The following TNIK variants were observed in gnomAD, a reference collection of about 807,000 sequenced individuals.
The protein encoded by TNIK is TRAF2 and NCK-interacting protein kinase.
A neutral mutation model predicts 191.3 loss-of-function variants in TNIK; 49 were observed. The ratio of observed to expected loss-of-function variants is 0.26; its 90% CI spans 0.20 to 0.32. TNIK has a LOEUF of 0.32. Ranked by LOEUF, TNIK falls within the 10% of genes least tolerant of loss-of-function variation. The pLI, the probability that TNIK is intolerant of heterozygous loss-of-function variation, is 1.00. For missense variants in TNIK, 1,155 were observed against 1,702.3 expected, an observed-to-expected ratio of 0.68 and a Z score of 5.66; for synonymous variants, 594 against 600.9, an observed-to-expected ratio of 0.99 and a Z score of 0.17.
chr3:171,169,711 C>T (rs1735055089), intron 9 of TNIK, among the ~76,000 whole-genome samples: 1 of 152,132 alleles, frequency 6.6e-6, no homozygotes, highest in African/African-American at 2.4e-5. Flanking sequence ...AAATAACAGT[C>T]AGAGAAATCT....
chr3:171,188,080 A>C (rs111615904), intron 7 of TNIK, among the ~76,000 whole-genome samples: 4,097 of 152,344 alleles, frequency 0.027, 136 homozygotes, highest in African/African-American at 0.077. Context: ...AGAAAAGAGA[A>C]GGGCTTCTTG....
chr3:171,386,514 TCTTCTTTA>T (rs1301730782), intron 1 of TNIK, among the ~76,000 whole-genome samples: 3 of 152,210 alleles, frequency 2.0e-5, no homozygotes, highest in Non-Finnish European at 2.9e-5. Context: ...TCCAGTTTCC[TCTTCTTTA>T]CCCACAGGGA....
chr3:171,099,393 T>A (rs897798016), intron 22 of TNIK, among the ~76,000 whole-genome samples: 8 of 148,798 alleles, frequency 5.4e-5, no homozygotes, highest in African/African-American at 2.1e-4. Context: ...TTTTTTAATC[T>A]TGCTGACAGT....
Position 171,438,165 on chromosome 3 carries a change from A to C in TNIK, c.57+21842T>G, listed in dbSNP as rs543125460. ...TCTTAATGAACCACTTTAAAGTCTA[A>C]AGGGGAGATAGAAGAGCAATGAGTA... On this transcript the variant is annotated intron_variant, in intron 1 of 32. Transcript: ENST00000436636. Among the ~76,000 whole-genome samples, 5 of 152,328 alleles carry C rather than the reference A, an allele frequency of 3.3e-5. No homozygotes were observed. In the South Asian group the frequency reaches 1.0e-3, roughly 32 times the overall value.
At chr3:171,119,078 A>T (rs548138453) in intron 18 of TNIK, among the ~76,000 whole-genome samples, 2 of 152,280 alleles carry the variant, frequency 1.3e-5, no homozygotes, top group African/African-American at 2.4e-5. Flanking sequence ...GAATCTACAA[A>T]GAACTCAAAC....
chr3:171,206,989 G>A (rs1740172484), intron 4 of TNIK, among the ~76,000 whole-genome samples: 1 of 151,882 alleles, frequency 6.6e-6, no homozygotes, highest in African/African-American at 2.4e-5. Flanking sequence ...TAGCTCAGGT[G>A]ATATGCTGGG....
intron 2 of TNIK, among the ~76,000 whole-genome samples, chr3:171,313,674 G>A (rs570791231): frequency 6.6e-6 from 1 of 152,106 alleles, no homozygotes; most frequent in South Asian, 2.1e-4. Flanking sequence ...GGGAGAAAAG[G>A]GGTCCTTACG....
At chr3:171,297,868 A>G (rs1167140947) in intron 2 of TNIK, among the ~76,000 whole-genome samples, 12 of 152,248 alleles carry the variant, frequency 7.9e-5, no homozygotes, top group Admixed American at 7.9e-4. Flanking sequence ...TCTAATTATT[A>G]CATTCTCTTG....
At chr3:171,375,064 C>G (rs1717028444) in intron 1 of TNIK, among the ~76,000 whole-genome samples, 1 of 152,196 alleles carries the variant, frequency 6.6e-6, no homozygotes, top group East Asian at 1.9e-4. Context: ...GGTTTACCAC[C>G]TGGTAGCTCT....
chr3:171,389,036 T>C (rs1393512869), intron 1 of TNIK, among the ~76,000 whole-genome samples: 2 of 152,208 alleles, frequency 1.3e-5, no homozygotes, highest in African/African-American at 4.8e-5. Flanking sequence ...GCATTTTCTG[T>C]AATCCTGACA....
At position 171,273,761 on chromosome 3, in the gene TNIK, G is replaced by A. The variant is rs928036513; in HGVS notation, c.124-45540C>T. On this transcript the variant is annotated intron_variant, in intron 2 of 32. Transcript: ENST00000436636. The stretch of plus-strand genomic sequence containing the variant: ...TTTAAAAAATAAAAATGTGAATAGA[G>A]CCTTAAGAAAGTGGTATAGAAATGG... Among the ~76,000 whole-genome samples, 16 of 152,148 alleles carry A rather than the reference G, an allele frequency of 1.1e-4. 1 individual carries two copies. The highest frequency in any genetic ancestry group is 1.9e-4 in the East Asian group (1 of 5,186).
chr3:171,403,149 C>T (rs1378411005), intron 1 of TNIK, among the ~76,000 whole-genome samples: 5 of 152,152 alleles, frequency 3.3e-5, no homozygotes, highest in Non-Finnish European at 5.9e-5. Flanking sequence ...GATAGTCCAG[C>T]CTGGGGCTGG....
rs868846667 is a variant in TNIK, at chr3:171,071,504, C to A, written c.3449-181G>T. 5.1e-5 allele frequency: 29 copies of A among 569,330 alleles called. No homozygotes were observed. The Middle Eastern group carries it at 1.4e-3, about 27-fold the overall frequency. 35.3% of individuals were successfully genotyped at this position (569,330 alleles called of 1,614,324 possible). A position where few individuals can be genotyped will look rare whatever the true frequency, so the allele number is the denominator to read the frequency against. ...TAGATACTGATTTAGCTTCCCTTAGCGAACTTTGGTTGGCAGAATACTTAT... is the reference window on the plus strand; with the variant it reads ...TAGATACTGATTTAGCTTCCCTTAGAGAACTTTGGTTGGCAGAATACTTAT... On this transcript the variant is annotated intron_variant, in intron 28 of 32. Coordinates refer to ENST00000436636, the MANE Select transcript of TNIK (RefSeq NM_015028.4).
At chr3:171,197,219 C>A (rs185018816) in intron 4 of TNIK, among the ~76,000 whole-genome samples, 3 of 152,070 alleles carry the variant, frequency 2.0e-5, no homozygotes, top group African/African-American at 4.8e-5. Flanking sequence ...GATGTTAAAC[C>A]TTTACCTCAC....
chr3:171,216,292 T>A (rs1741444244), intron 3 of TNIK, among the ~76,000 whole-genome samples: 1 of 152,224 alleles, frequency 6.6e-6, no homozygotes, highest in South Asian at 2.1e-4. Context: ...AAAACTAAAT[T>A]TTTAAAATCA....
At chr3:171,437,447 C>T (rs1041253964) in intron 1 of TNIK, among the ~76,000 whole-genome samples, 8 of 152,196 alleles carry the variant, frequency 5.3e-5, no homozygotes, top group East Asian at 1.9e-4. Context: ...AAAAATGAAA[C>T]GAAGAAACAC....
At position 171,059,754 on chromosome 3, in the gene TNIK, T is replaced by A. The variant is rs1257660673; in HGVS notation, c.*4127A>T. Among the ~76,000 whole-genome samples the A allele has an allele frequency of 1.3e-5, 2 of 152,190 alleles. No individual in the cohort carries two copies. The highest frequency in any genetic ancestry group is 2.1e-4 in the South Asian group (1 of 4,830). ...AATTTAGACTTTTGGATTTTAGATT[T>A]ATGTTACAACTATGTAGTCTCAGGG... On this transcript the variant is annotated 3_prime_UTR_variant, in exon 33 of 33. Transcript: ENST00000436636.
At chr3:171,383,412 T>C (rs544830031) in intron 1 of TNIK, among the ~76,000 whole-genome samples, 37 of 152,290 alleles carry the variant, frequency 2.4e-4, no homozygotes, top group African/African-American at 7.5e-4. Flanking sequence ...GAATAACTAA[T>C]TGGGCAACGT....
At position 171,070,458 on chromosome 3, in the gene TNIK, G is replaced by C. The variant is rs1432005609; in HGVS notation, c.3549+765C>G. ...AGACAGACATAAGCTGAGAGAGAGAGAGACAGAGAGAGATCAGAGAGAGAG... is the reference window on the plus strand; with the variant it reads ...AGACAGACATAAGCTGAGAGAGAGACAGACAGAGAGAGATCAGAGAGAGAG... On this transcript the variant is annotated intron_variant, in intron 29 of 32. Transcript: ENST00000436636. 5.9e-5 allele frequency among the ~76,000 whole-genome samples: 9 copies of C among 151,992 alleles called. No homozygotes were observed. In the South Asian group the frequency reaches 6.3e-4, roughly 11 times the overall value.
Sources: gnomAD v4.1 joint callset for allele counts (sites outside exome capture counted in the v4.1 genomes callset) on GRCh38, gnomAD v4.1.1 for gene constraint, MANE v1.5 for transcripts, NCBI Gene and HGNC (gene_info 2026-07-23, HGNC 2026-07-21) for gene names.